Variants in PRTFDC1 observed in about 807,000 individuals in gnomAD.
PRTFDC1 encodes the protein phosphoribosyl transferase domain containing 1, also known as phosphoribosyltransferase domain-containing protein 1.
Under a neutral mutation model 34.6 loss-of-function variants are expected in PRTFDC1, and 38 were observed. The ratio of observed to expected loss-of-function variants is 1.10; its 90% CI spans 0.85 to 1.44. The LOEUF (loss-of-function observed/expected upper bound fraction) is 1.44, where lower values mean the gene tolerates loss of function less well. Ranked by LOEUF, PRTFDC1 falls within the 40% of genes most tolerant of loss-of-function variation. The pLI, the probability that PRTFDC1 is intolerant of heterozygous loss-of-function variation, is 0.00. For missense variants in PRTFDC1, 270 were observed against 283.0 expected, an observed-to-expected ratio of 0.95 and a Z score of 0.33; for synonymous variants, 93 against 98.1, an observed-to-expected ratio of 0.95 and a Z score of 0.31.
chr10:24,865,009 G>A (rs1409881804), intron 4 of PRTFDC1, among the ~76,000 whole-genome samples: 1 of 152,132 alleles, frequency 6.6e-6, no homozygotes. Flanking sequence ...CCAGCTACTC[G>A]AGAGGCTGAG....
chr10:24,878,027 T>A (rs1847996604), intron 3 of PRTFDC1, among the ~76,000 whole-genome samples: 1 of 151,160 alleles, frequency 6.6e-6, no homozygotes, highest in Non-Finnish European at 1.5e-5. Context: ...ACGCCTGTAA[T>A]CCCAGCACTT....
chr10:24,903,549 C>T (rs374205897), intron 3 of PRTFDC1, among the ~76,000 whole-genome samples: 1 of 152,144 alleles, frequency 6.6e-6, no homozygotes, highest in East Asian at 1.9e-4. Context: ...TTAATACAAT[C>T]ATCCTACACT....
intron 3 of PRTFDC1, among the ~76,000 whole-genome samples, chr10:24,903,217 G>T (rs1164730846): frequency 6.6e-6 from 1 of 152,070 alleles, no homozygotes; most frequent in East Asian, 1.9e-4. Context: ...AAGAAAAAAA[G>T]TAAGAAAAAA....
At position 24,856,292 on chromosome 10, in the gene PRTFDC1, GA is replaced by G. The variant is rs1222999278; in HGVS notation, c.506+620del. On this transcript the variant is annotated intron_variant, in intron 6 of 8. Coordinates refer to ENST00000320152, the MANE Select transcript of PRTFDC1 (RefSeq NM_020200.7). ...CTGTCTCATATTAAAGAATAAAAAAGAAAAAAAAAAAGGGCCGGGTGCAGTG... is the reference window on the plus strand; with the variant it reads ...CTGTCTCATATTAAAGAATAAAAAAGAAAAAAAAAAGGGCCGGGTGCAGTG... 4.7e-3 allele frequency among the ~76,000 whole-genome samples: 625 copies of G among 132,928 alleles called. 3 individuals carry two copies. The highest frequency in any genetic ancestry group is 0.022 in the East Asian group (91 of 4,092). The allele number at this position is 132,928 out of a possible 152,430, so 87.2% of individuals were successfully genotyped here. A position where few individuals can be genotyped will look rare whatever the true frequency, so the allele number is the denominator to read the frequency against.
chr10:24,866,870 AAAAG>A (rs1331512493), intron 4 of PRTFDC1, among the ~76,000 whole-genome samples: 2 of 151,970 alleles, frequency 1.3e-5, no homozygotes, highest in East Asian at 1.9e-4. Flanking sequence ...AAAAAATACA[AAAAG>A]AAAGAAAAAG....
At chr10:24,889,023 C>A (rs150638471) in intron 3 of PRTFDC1, among the ~76,000 whole-genome samples, 13 of 152,112 alleles carry the variant, frequency 8.5e-5, no homozygotes, top group African/African-American at 3.1e-4. Flanking sequence ...TTTGTTACCC[C>A]CCTCCCCGAC....
chr10:24,915,430 C>T (rs993778679), intron 3 of PRTFDC1, among the ~76,000 whole-genome samples: 1 of 152,176 alleles, frequency 6.6e-6, no homozygotes, highest in Non-Finnish European at 1.5e-5. Flanking sequence ...ATGACCATTT[C>T]TCACATTTGG....
At chr10:24,907,683 T>C (rs1385887470) in intron 3 of PRTFDC1, among the ~76,000 whole-genome samples, 1 of 152,188 alleles carries the variant, frequency 6.6e-6, no homozygotes, top group Non-Finnish European at 1.5e-5. Context: ...AGCAACATAA[T>C]CGTTTTTGGC....
chr10:24,861,612 T>C (rs1213232485), intron 4 of PRTFDC1, among the ~76,000 whole-genome samples: 1 of 152,048 alleles, frequency 6.6e-6, no homozygotes, highest in Non-Finnish European at 1.5e-5. Context: ...TTGCTCCCAA[T>C]TTTGCTTCCC....
intron 3 of PRTFDC1, among the ~76,000 whole-genome samples, chr10:24,881,866 C>T (rs1455720516): frequency 6.6e-6 from 1 of 152,040 alleles, no homozygotes. Context: ...ATAGCTCATA[C>T]CACACCTTTC....
At chr10:24,900,635 C>T (rs1002332004) in intron 3 of PRTFDC1, among the ~76,000 whole-genome samples, 6 of 152,106 alleles carry the variant, frequency 3.9e-5, no homozygotes, top group Non-Finnish European at 8.8e-5. Context: ...TAAATATTCT[C>T]ATCAAAGTGA....
chr10:24,929,410 A>C (rs1848938446), intron 3 of PRTFDC1, among the ~76,000 whole-genome samples: 1 of 152,124 alleles, frequency 6.6e-6, no homozygotes, highest in South Asian at 2.1e-4. Context: ...TCTCGGCCCT[A>C]CTGTGGTTAC....
chr10:24,949,916 T>G (rs1327939826), intron 1 of PRTFDC1, among the ~76,000 whole-genome samples: 1 of 151,982 alleles, frequency 6.6e-6, no homozygotes, highest in Non-Finnish European at 1.5e-5. Context: ...GTATTTTTAG[T>G]AGCAGCAAGG....
At chr10:24,908,809 A>G in intron 3 of PRTFDC1, 3 of 1,382,308 alleles carry the variant, frequency 2.2e-6, no homozygotes, top group Non-Finnish European at 2.8e-6. Context: ...TAGCCCTCAC[A>G]TCCCCCTTTT....
At chr10:24,897,719 T>C (rs1164815769) in intron 3 of PRTFDC1, among the ~76,000 whole-genome samples, 1 of 152,190 alleles carries the variant, frequency 6.6e-6, no homozygotes, top group East Asian at 1.9e-4. Flanking sequence ...TAAAGAAATA[T>C]AGTGATAATA....
chr10:24,930,076 AACAC>A (rs113296319), intron 3 of PRTFDC1, among the ~76,000 whole-genome samples: 6 of 150,180 alleles, frequency 4.0e-5, no homozygotes, highest in South Asian at 2.1e-4. Context: ...CACACACACA[AACAC>A]ACACACACAC....
intron 3 of PRTFDC1, among the ~76,000 whole-genome samples, chr10:24,874,625 A>T (rs760755029): frequency 6.6e-6 from 1 of 152,216 alleles, no homozygotes; most frequent in African/African-American, 2.4e-5. Context: ...AAAACCAAAA[A>T]CCACAAAAAT....
intron 3 of PRTFDC1, among the ~76,000 whole-genome samples, chr10:24,915,973 C>T (rs1470333798): frequency 6.6e-6 from 1 of 152,160 alleles, no homozygotes; most frequent in Non-Finnish European, 1.5e-5. Flanking sequence ...TATCCAACTG[C>T]CTGCTTATCT....
At chr10:24,903,354 C>T (rs528684342) in intron 3 of PRTFDC1, among the ~76,000 whole-genome samples, 47 of 152,284 alleles carry the variant, frequency 3.1e-4, no homozygotes, top group African/African-American at 1.1e-3. Flanking sequence ...TGGTAATGTT[C>T]TATTTGTTAA....
Sources: gnomAD v4.1 joint callset for allele counts (sites outside exome capture counted in the v4.1 genomes callset) on GRCh38, gnomAD v4.1.1 for gene constraint, MANE v1.5 for transcripts, NCBI Gene and HGNC (gene_info 2026-07-23, HGNC 2026-07-21) for gene names.